Variants in WDPCP observed in about 807,000 individuals in gnomAD.
WDPCP encodes WD repeat containing planar cell polarity effector, also known as WD repeat-containing and planar cell polarity effector protein fritz homolog.
In WDPCP, 71 loss-of-function variants were observed where a neutral mutation model predicts 93.1. That is an observed-to-expected ratio of 0.76 (90% CI 0.63 to 0.93). The LOEUF is 0.93. Among genes scored for constraint, WDPCP ranks in the 40% least tolerant of loss-of-function variants. The pLI is 0.00. For missense variants in WDPCP, 844 were observed against 887.4 expected (o/e 0.95, Z 0.62); for synonymous variants, 315 against 315.0 (o/e 1.00, Z 0.00).
chr2:63,405,969 T>C (rs986947958), intron 9 of WDPCP, among the ~76,000 whole-genome samples: 11 of 152,194 alleles, frequency 7.2e-5, no homozygotes, highest in South Asian at 2.1e-4. Flanking sequence ...CATTTTCCTG[T>C]ATTTGACAGT....
intron 2 of WDPCP, among the ~76,000 whole-genome samples, chr2:63,725,765 T>C (rs949246481): frequency 2.6e-5 from 4 of 152,174 alleles, no homozygotes; most frequent in East Asian, 1.9e-4. Context: ...TGGTATCTCA[T>C]TGTGGTTTTG....
chr2:63,223,097 A>G (rs1677977619), intron 14 of WDPCP, among the ~76,000 whole-genome samples: 1 of 152,156 alleles, frequency 6.6e-6, no homozygotes, highest in Admixed American at 6.6e-5. Context: ...CTGTATCAGT[A>G]CTAAATATAA....
chr2:63,423,175 G>A (rs1305452721), intron 9 of WDPCP, among the ~76,000 whole-genome samples: 1 of 152,148 alleles, frequency 6.6e-6, no homozygotes, highest in Non-Finnish European at 1.5e-5. Flanking sequence ...ATTAAACTAT[G>A]CATTTATTTT....
intron 12 of WDPCP, among the ~76,000 whole-genome samples, chr2:63,329,415 G>T (rs1421797096): frequency 5.3e-5 from 8 of 151,802 alleles, no homozygotes; most frequent in Non-Finnish European, 7.4e-5. Flanking sequence ...TTTTTTGCAA[G>T]TACATTGCTT....
At chr2:63,396,646 T>A (rs534226135) in intron 10 of WDPCP, among the ~76,000 whole-genome samples, 3 of 136,884 alleles carry the variant, frequency 2.2e-5, no homozygotes, top group African/African-American at 8.1e-5. Context: ...TATCAACCAC[T>A]AAAGTATTTC....
intron 3 of WDPCP, chr2:63,594,565 A>G: frequency 6.2e-7 from 1 of 1,613,322 alleles, no homozygotes; most frequent in Non-Finnish European, 8.5e-7. Flanking sequence ...TTGGAAATGG[A>G]TCTGTCTTTG....
At position 63,344,170 on chromosome 2, in the gene WDPCP, A is replaced by G. The variant is rs561720521; in HGVS notation, c.1749-30859T>C. 1.5e-4 allele frequency among the ~76,000 whole-genome samples: 23 copies of G among 152,194 alleles called. No individual in the cohort carries two copies. The South Asian group carries it at 4.1e-3, about 27-fold the overall frequency. On this transcript the variant is annotated intron_variant, in intron 12 of 17. Coordinates refer to ENST00000272321, the MANE Select transcript of WDPCP (RefSeq NM_015910.7). Reference sequence around the variant, plus strand: ...TCCCTCTCCATGGTTTGCTATTGTTACTGCTGAGGGCTGCAGTCACCCATT... The same window carrying G: ...TCCCTCTCCATGGTTTGCTATTGTTGCTGCTGAGGGCTGCAGTCACCCATT...
chr2:63,277,203 G>C (rs889737302), intron 13 of WDPCP, among the ~76,000 whole-genome samples: 1 of 124,074 alleles, frequency 8.1e-6, no homozygotes, highest in African/African-American at 3.4e-5. Flanking sequence ...TACCATGCCA[G>C]CATGCCAAGA....
chr2:63,396,057 T>A (rs927978989), intron 10 of WDPCP, among the ~76,000 whole-genome samples: 1 of 152,176 alleles, frequency 6.6e-6, no homozygotes, highest in African/African-American at 2.4e-5. Context: ...TGTGTGTATT[T>A]TACTTATGTA....
intron 2 of WDPCP, among the ~76,000 whole-genome samples, chr2:63,688,223 G>A (rs1425005513): frequency 6.6e-6 from 1 of 152,078 alleles, no homozygotes; most frequent in Non-Finnish European, 1.5e-5. Flanking sequence ...TCAGGAGATC[G>A]AGACCAGCCT....
At chr2:63,405,395 C>T (rs1480464461) in intron 9 of WDPCP, among the ~76,000 whole-genome samples, 3 of 152,100 alleles carry the variant, frequency 2.0e-5, no homozygotes, top group East Asian at 3.8e-4. Flanking sequence ...GTAGGGTCCA[C>T]TTATAGGTGG....
intron 1 of WDPCP, among the ~76,000 whole-genome samples, chr2:63,528,022 T>C (rs1703487058): frequency 6.6e-6 from 1 of 152,114 alleles, no homozygotes; most frequent in Non-Finnish European, 1.5e-5. Flanking sequence ...TGTCTTCTTT[T>C]GAGAAGTGTC....
At chr2:63,412,919 A>C (rs1316188651) in intron 9 of WDPCP, among the ~76,000 whole-genome samples, 1 of 152,228 alleles carries the variant, frequency 6.6e-6, no homozygotes, top group Non-Finnish European at 1.5e-5. Context: ...GATGGGTAGA[A>C]TCAATGTTGT....
At position 63,804,825 on chromosome 2, in the gene WDPCP, C is replaced by T. The variant is rs538972328; in HGVS notation, n.308+8797G>A. Among the ~76,000 whole-genome samples the T allele has an allele frequency of 5.8e-4, 88 of 151,654 alleles. 1 individual carries two copies. The highest frequency in any genetic ancestry group is 2.6e-3 in the Admixed American group (40 of 15,236). On this transcript the variant is annotated intron_variant and non_coding_transcript_variant, in intron 2 of 4. Transcript: ENST00000467687. ...CGAGCAGATCACAAGGTTAAGAGCT[C>T]GAGACCAGCCTGGCCAACATGGTGA...
intron 3 of WDPCP, chr2:63,643,299 GTC>G (rs1710003746): frequency 5.5e-6 from 2 of 362,604 alleles, no homozygotes; most frequent in Admixed American, 6.1e-5. Context: ...CCAGTCTCTC[GTC>G]TCTCTCTTCA....
intron 9 of WDPCP, among the ~76,000 whole-genome samples, chr2:63,413,412 A>G (rs555314364): frequency 1.3e-5 from 2 of 152,190 alleles, no homozygotes; most frequent in Non-Finnish European, 2.9e-5. Flanking sequence ...TTGAAACTAT[A>G]AAAATTCTAG....
chr2:63,376,226 A>C (rs1691843253), intron 12 of WDPCP, among the ~76,000 whole-genome samples: 1 of 151,940 alleles, frequency 6.6e-6, no homozygotes, highest in Non-Finnish European at 1.5e-5. Context: ...TAAAACACTC[A>C]TTATAATTGA....
At chr2:63,449,009 G>A (rs1698050733) in intron 6 of WDPCP, among the ~76,000 whole-genome samples, 1 of 151,980 alleles carries the variant, frequency 6.6e-6, no homozygotes, top group Admixed American at 6.6e-5. Flanking sequence ...GATTTCAAAT[G>A]TACTCACCAC....
At position 63,360,365 on chromosome 2, in the gene WDPCP, C is replaced by G. The variant is rs1690355634; in HGVS notation, c.1748+18021G>C. ...TACATATTTCGCTATCTGACAAAAG[C>G]TAATCAAGAAGACTACTTTGACTCC... On this transcript the variant is annotated intron_variant, in intron 12 of 17. Coordinates refer to ENST00000272321, the MANE Select transcript of WDPCP (RefSeq NM_015910.7). 1.3e-5 allele frequency among the ~76,000 whole-genome samples: 2 copies of G among 152,202 alleles called. 1 individual carries two copies. Among genetic ancestry groups the G allele is most frequent in the South Asian group, 4.1e-4 (2 of 4,828 alleles).
Sources: allele counts gnomAD v4.1 joint callset (sites outside exome capture counted in the v4.1 genomes callset), GRCh38; gene constraint gnomAD v4.1.1; transcripts MANE v1.5; gene names NCBI Gene and HGNC (gene_info 2026-07-23, HGNC 2026-07-21).